Variants in MYO1E observed in about 807,000 individuals in gnomAD.
MYO1E encodes unconventional myosin-Ie.
In MYO1E, 68 loss-of-function variants were observed where a neutral mutation model predicts 151.1. The ratio of observed to expected loss-of-function variants is 0.45; its 90% CI spans 0.37 to 0.55. The LOEUF is 0.55. Ranked by LOEUF, MYO1E falls within the 20% of genes least tolerant of loss-of-function variation. The pLI is 0.00. For missense variants in MYO1E, 1,363 were observed against 1,389.3 expected (o/e 0.98, Z 0.30); for synonymous variants, 601 against 501.7 (o/e 1.20, Z -2.64).
At chr15:59,243,130 T>G (rs1180606347) in intron 4 of MYO1E, among the ~76,000 whole-genome samples, 7 of 141,130 alleles carry the variant, frequency 5.0e-5, no homozygotes, top group Non-Finnish European at 6.0e-5. Context: ...TATAGAGAGA[T>G]ATAGTATTGA....
chr15:59,256,257 G>A (rs763926341), intron 4 of MYO1E, 27 bp downstream of exon 4: 16 of 1,515,184 alleles, frequency 1.1e-5, no homozygotes, highest in South Asian at 3.4e-5. Context: ...TATCTTCCAC[G>A]CCCACTGATA....
At chr15:59,192,500 C>T (rs1227669091) in intron 17 of MYO1E, among the ~76,000 whole-genome samples, 2 of 152,124 alleles carry the variant, frequency 1.3e-5, no homozygotes, top group African/African-American at 4.8e-5. Flanking sequence ...TTCAGTAGAA[C>T]TATCTACGTG....
chr15:59,283,437 G>C (rs2080369130), intron 1 of MYO1E, among the ~76,000 whole-genome samples: 1 of 152,016 alleles, frequency 6.6e-6, no homozygotes, highest in Middle Eastern at 3.2e-3. Context: ...GCATCATCTT[G>C]CTAAGAAGCC....
At chr15:59,138,957 A>T (rs1284315776) in intron 26 of MYO1E, among the ~76,000 whole-genome samples, 1 of 152,116 alleles carries the variant, frequency 6.6e-6, no homozygotes, top group Non-Finnish European at 1.5e-5. Context: ...TGATGCCTGC[A>T]GCTATCGTTC....
rs1265960964 is a variant in MYO1E at position 59,135,750 on chromosome 15, C to T, written c.*1630G>A. On this transcript the variant is annotated 3_prime_UTR_variant, in exon 28 of 28. Coordinates refer to ENST00000288235, the MANE Select transcript of MYO1E (RefSeq NM_004998.4). ...ATTTTTTCCCATGGACTTGAGGATC[C>T]TGAAAGCCTCAAAGGTGTATGCTGC... is the stretch of plus-strand genomic sequence containing the variant. The T allele has an allele frequency of 6.6e-6, 1 of 152,104 alleles. No homozygotes were observed. Among genetic ancestry groups the T allele is most frequent in the African/African-American group, 2.4e-5 (1 of 41,398 alleles). The allele number at this position is 152,104 out of a possible 1,614,324, so 9.4% of individuals were successfully genotyped here. A position where few individuals can be genotyped will look rare whatever the true frequency, so the allele number is the denominator to read the frequency against.
intron 17 of MYO1E, among the ~76,000 whole-genome samples, chr15:59,192,259 T>A (rs754373391): frequency 1.3e-5 from 2 of 150,862 alleles, no homozygotes; most frequent in Non-Finnish European, 2.9e-5. Flanking sequence ...TTTGAATGCA[T>A]GTCATAAAAT....
chr15:59,322,834 A>G (rs2080635709), intron 1 of MYO1E, among the ~76,000 whole-genome samples: 1 of 152,194 alleles, frequency 6.6e-6, no homozygotes, highest in Non-Finnish European at 1.5e-5. Flanking sequence ...TAATTTAGTT[A>G]GCAATATTTT....
chr15:59,178,130 G>T (rs1488817371), intron 19 of MYO1E, among the ~76,000 whole-genome samples: 1 of 152,238 alleles, frequency 6.6e-6, no homozygotes, highest in African/African-American at 2.4e-5. Flanking sequence ...GAGACAGTCA[G>T]CGAGGAAGGA....
At chr15:59,327,360 T>C (rs1345606111) in intron 1 of MYO1E, among the ~76,000 whole-genome samples, 1 of 151,602 alleles carries the variant, frequency 6.6e-6, no homozygotes, top group Non-Finnish European at 1.5e-5. Context: ...GGGGTCTCAC[T>C]CTATCACCCA....
chr15:59,173,752 C>A lies in MYO1E; in HGVS notation c.2328G>T (p.Arg776Ser), dbSNP rs1339597521. 1.9e-6 allele frequency: 3 copies of A among 1,614,140 alleles called. No homozygotes were observed. The highest frequency in any genetic ancestry group is 2.5e-6 in the Non-Finnish European group (3 of 1,180,004). ...FADTVTKYDR[R>S]FKGVKRDLLL... ...GCAGGCAGTTAGCACGTACCTTGAA[C>A]CTCCTGTCATACTTGGTGACTGTGT... The change falls in exon 21 of 28, where the codon AGG becomes AGT. Residue 776 changes from arginine to serine, a missense_variant. By Grantham distance (110) the Arg-to-Ser change is moderately radical. Transcript: ENST00000288235.
chr15:59,318,670 C>T (rs1032785261), intron 1 of MYO1E, among the ~76,000 whole-genome samples: 6 of 152,136 alleles, frequency 3.9e-5, no homozygotes, highest in African/African-American at 1.4e-4. Flanking sequence ...AGAAGCCTAC[C>T]AGAATGTTGA....
At chr15:59,284,039 GGCTCTGCACAGCCTT>G (rs1276315101) in intron 1 of MYO1E, among the ~76,000 whole-genome samples, 1 of 152,228 alleles carries the variant, frequency 6.6e-6, no homozygotes, top group African/African-American at 2.4e-5. Context: ...GGAGCAGCCT[GGCTCTGCACAGCCTT>G]GCATAATGCA....
At chr15:59,224,256 AAG>A (rs1177058572) in intron 8 of MYO1E, among the ~76,000 whole-genome samples, 1 of 148,438 alleles carries the variant, frequency 6.7e-6, no homozygotes, top group African/African-American at 2.4e-5. Flanking sequence ...TACAGAGGGG[AAG>A]AGAGTCTTCA....
chr15:59,371,878 G>C (rs1394002344), intron 1 of MYO1E, among the ~76,000 whole-genome samples: 1 of 151,366 alleles, frequency 6.6e-6, no homozygotes, highest in Non-Finnish European at 1.5e-5. Context: ...ACAGCCCGCC[G>C]GCCGCCAGGT....
chr15:59,255,110 G>A (rs1355180045), intron 4 of MYO1E, among the ~76,000 whole-genome samples: 1 of 151,008 alleles, frequency 6.6e-6, no homozygotes, highest in South Asian at 2.1e-4. Context: ...TTTTTTTTTG[G>A]TTTGGTTTGG....
chr15:59,189,065 C>T (rs529516980), intron 17 of MYO1E, among the ~76,000 whole-genome samples: 38 of 152,198 alleles, frequency 2.5e-4, no homozygotes, highest in African/African-American at 8.9e-4. Context: ...TTCTTTCTTA[C>T]AAGAATTTTT....
At position 59,364,924 on chromosome 15, in the gene MYO1E, A is replaced by G. The variant is rs145657189; in HGVS notation, c.3+7574T>C. On this transcript the variant is annotated intron_variant, in intron 1 of 27. Transcript: ENST00000288235. ...ACTCCATCTCAAGAAAAACAAACAA[A>G]CAAAGAAACAATGCATTTGAACAGA... Among the ~76,000 whole-genome samples, 537 of 152,246 alleles carry G rather than the reference A, an allele frequency of 3.5e-3. 4 individuals carry two copies. Among genetic ancestry groups the G allele is most frequent in the African/African-American group, 0.01 (436 of 41,556 alleles).
intron 14 of MYO1E, 171 bp downstream of exon 14, chr15:59,208,510 A>G: frequency 1.3e-6 from 1 of 766,244 alleles, no homozygotes; most frequent in Non-Finnish European, 2.2e-6. Flanking sequence ...TGTACATACA[A>G]AAAAATGCAG....
chr15:59,332,796 C>T (rs560526127), intron 1 of MYO1E, among the ~76,000 whole-genome samples: 1 of 152,162 alleles, frequency 6.6e-6, no homozygotes, highest in East Asian at 1.9e-4. Flanking sequence ...GACCAAAGCT[C>T]AAGTGATCCT....
Sources: gnomAD v4.1 joint callset for allele counts (sites outside exome capture counted in the v4.1 genomes callset) on GRCh38, gnomAD v4.1.1 for gene constraint, MANE v1.5 for transcripts, NCBI Gene and HGNC (gene_info 2026-07-23, HGNC 2026-07-21) for gene names.